ZBTB46: variants seen among roughly 807,000 people sequenced by gnomAD.
ZBTB46 encodes zinc finger and BTB domain-containing protein 46.
A neutral mutation model predicts 44.1 loss-of-function variants in ZBTB46; 8 were observed. The observed-to-expected ratio is 0.18, with a 90% CI of 0.11 to 0.33. The LOEUF is 0.33. ZBTB46 is among the 10% of genes least tolerant of loss of function. The pLI is 1.00. For synonymous variants in ZBTB46, 409 were observed against 382.3 expected (o/e 1.07, Z -0.81); for missense variants, 651 against 847.7 (o/e 0.77, Z 2.88).
intron 1 of ZBTB46, among the ~76,000 whole-genome samples, chr20:63,794,366 A>C (rs1343959643): frequency 2.0e-5 from 3 of 151,914 alleles, no homozygotes; most frequent in Non-Finnish European, 4.4e-5. Context: ...TAACTCTTTC[A>C]TTTTTTGTAG....
chr20:63,803,413 C>T lies in ZBTB46; in HGVS notation c.-33-12623G>A, dbSNP rs570612567. Reference sequence around the variant, plus strand: ...ACACTCCAAGACATGTTAGCAGAGTCGTCTTTCGACAGCGAGACCGGTGGT... The same window carrying T: ...ACACTCCAAGACATGTTAGCAGAGTTGTCTTTCGACAGCGAGACCGGTGGT... On this transcript the variant is annotated intron_variant, in intron 1 of 4. Coordinates refer to ENST00000245663, the MANE Select transcript of ZBTB46 (RefSeq NM_001369741.1). This position sits in a 1 kb window ranked among gnomAD's most constrained non-coding sequence, Gnocchi z 4.0. The T allele has an allele frequency of 3.5e-5, 34 of 985,456 alleles. No homozygotes were observed. In the South Asian group the frequency reaches 1.3e-3, roughly 38 times the overall value. 61.0% of individuals were successfully genotyped at this position (985,456 alleles called of 1,614,324 possible). A position where few individuals can be genotyped will look rare whatever the true frequency, so the allele number is the denominator to read the frequency against.
rs555150281 is a variant in ZBTB46 at position 63,752,540 on chromosome 20, C to T, written c.1398+146G>A. 141 of 1,005,144 alleles carry T rather than the reference C, an allele frequency of 1.4e-4. No homozygotes were observed. The African/African-American group carries it at 2.2e-3, about 15-fold the overall frequency. 62.3% of individuals were successfully genotyped at this position (1,005,144 alleles called of 1,614,324 possible). A position where few individuals can be genotyped will look rare whatever the true frequency, so the allele number is the denominator to read the frequency against. On this transcript the variant is annotated intron_variant, in intron 4 of 4. Coordinates refer to ENST00000245663, the MANE Select transcript of ZBTB46 (RefSeq NM_001369741.1). This position sits in a 1 kb window ranked among gnomAD's most constrained non-coding sequence, Gnocchi z 5.6. The stretch of plus-strand genomic sequence containing the variant: ...GGGCAGAGCAGACAGGGGCCCGGGG[C>T]GGATCTCCCTGCCCTGCTGTCGTCC...
intron 3 of ZBTB46, chr20:63,768,062 C>T (rs537835473): frequency 1.1e-5 from 11 of 985,448 alleles, no homozygotes; most frequent in Middle Eastern, 5.2e-4. Flanking sequence ...CACTCTGCTG[C>T]CCTCACTCAC....
Position 63,780,271 on chromosome 20 carries a change from C to CA in ZBTB46, c.938-4310dup, listed in dbSNP as rs1012455148. Among the ~76,000 whole-genome samples the CA allele has an allele frequency of 9.9e-3, 1,306 of 132,288 alleles. 21 individuals are homozygous for CA. The highest frequency in any genetic ancestry group is 0.032 in the African/African-American group (1,144 of 35,962). The allele number at this position is 132,288 out of a possible 152,430, so 86.8% of individuals were successfully genotyped here. On this transcript the variant is annotated intron_variant, in intron 2 of 4. Transcript: ENST00000245663. ...GGGCAACAAGAGTGAAACTCCATCT[C>CA]AAAAAAAAAAAAGACAGATAAAAGA... is the stretch of plus-strand genomic sequence containing the variant.
chr20:63,801,727 C>G (rs1601502646), intron 1 of ZBTB46, among the ~76,000 whole-genome samples: 1 of 152,108 alleles, frequency 6.6e-6, no homozygotes, highest in Non-Finnish European at 1.5e-5. Flanking sequence ...GAACAAACTC[C>G]AGACACGCCG....
chr20:63,817,795 G>T (rs2092768551), intron 1 of ZBTB46, among the ~76,000 whole-genome samples: 1 of 152,116 alleles, frequency 6.6e-6, no homozygotes, highest in African/African-American at 2.4e-5. Flanking sequence ...TGAAGACAGA[G>T]GCAGAGGCTG....
At position 63,790,368 on chromosome 20, in the gene ZBTB46, G is replaced by A. The variant is rs918516175; in HGVS notation, c.390C>T (p.Asp130=). Residue 130 remains aspartate (D), a synonymous_variant, in exon 2 of 5, where the codon GAC becomes GAT. Coordinates refer to ENST00000245663, the MANE Select transcript of ZBTB46 (RefSeq NM_001369741.1). ...ACHDFIKAAL[D]ISIKSDASDE... ...CTGAGGCGTCCGACTTGATGCTGAT[G>A]TCCAGCGCCGCCTTGATGAAGTCGT... 1 of 1,613,192 alleles carries A rather than the reference G, an allele frequency of 6.2e-7. No homozygotes were observed. The highest frequency in any genetic ancestry group is 1.3e-5 in the African/African-American group (1 of 75,076).
At chr20:63,779,613 G>C (rs545038704) in intron 2 of ZBTB46, among the ~76,000 whole-genome samples, 4 of 151,932 alleles carry the variant, frequency 2.6e-5, no homozygotes, top group Admixed American at 2.0e-4. Context: ...GTAGAGACGG[G>C]GTTTCACCGT....
At chr20:63,810,745 C>CA (rs994229969) in intron 1 of ZBTB46, among the ~76,000 whole-genome samples, 13 of 151,846 alleles carry the variant, frequency 8.6e-5, no homozygotes, top group Admixed American at 6.6e-4. Flanking sequence ...GACTCTGTCT[C>CA]AAAAAACAAA....
intron 1 of ZBTB46, among the ~76,000 whole-genome samples, chr20:63,810,245 A>G (rs1484152761): frequency 1.3e-5 from 2 of 152,208 alleles, no homozygotes; most frequent in Non-Finnish European, 2.9e-5. Context: ...AACACTCGAC[A>G]ATTCGAAGAT....
In ZBTB46 at chr20:63,771,995, C is replaced by CA. The variant is rs1336165056; in HGVS notation, c.1222+3682dup. 1.4e-4 allele frequency among the ~76,000 whole-genome samples: 19 copies of CA among 136,344 alleles called. No homozygotes were observed. The Admixed American group carries it at 1.6e-3, about 11-fold the overall frequency. 89.4% of individuals were successfully genotyped at this position (136,344 alleles called of 152,430 possible). ...ACCGTGTTTACAGAAAACAAAAGGG[C>CA]AAATTCTTTTTTTTTTTTTTTTCTG... is the stretch of plus-strand genomic sequence containing the variant. On this transcript the variant is annotated intron_variant, in intron 3 of 4. Coordinates refer to ENST00000245663, the MANE Select transcript of ZBTB46 (RefSeq NM_001369741.1).
At chr20:63,797,011 GT>G (rs1245535409) in intron 1 of ZBTB46, among the ~76,000 whole-genome samples, 1 of 151,958 alleles carries the variant, frequency 6.6e-6, no homozygotes, top group Admixed American at 6.6e-5. Flanking sequence ...TTTTGTTTTT[GT>G]TTTTTTATAT....
chr20:63,781,140 CAAAAAAAA>C lies in ZBTB46; in HGVS notation c.938-5186_938-5179del, dbSNP rs58102231. Among the ~76,000 whole-genome samples the C allele has an allele frequency of 2.4e-4, 20 of 83,938 alleles. No individual in the cohort carries two copies. The East Asian group carries it at 2.5e-3, about 11-fold the overall frequency. 55.1% of individuals were successfully genotyped at this position (83,938 alleles called of 152,430 possible). A position where few individuals can be genotyped will look rare whatever the true frequency, so the allele number is the denominator to read the frequency against. ...TGGGTGGCAGAGCAAGACTCTGCCT[CAAAAAAAA>C]AAAAAAAAAAAAAAAGAAAGAAAAA... On this transcript the variant is annotated intron_variant, in intron 2 of 4. Transcript: ENST00000245663.
intron 2 of ZBTB46, among the ~76,000 whole-genome samples, chr20:63,785,260 G>A (rs1484901697): frequency 1.0e-4 from 14 of 140,066 alleles, no homozygotes; most frequent in African/African-American, 3.7e-4. Flanking sequence ...GAAAAAGAAA[G>A]AAGGAAAAGG....
At chr20:63,758,665 C>T (rs1282333511) in intron 3 of ZBTB46, among the ~76,000 whole-genome samples, 2 of 152,094 alleles carry the variant, frequency 1.3e-5, no homozygotes, top group African/African-American at 4.8e-5. Context: ...CGGGCACTCA[C>T]ACACCCCTCT....
rs562131853 is a variant in ZBTB46 at position 63,801,104 on chromosome 20, CCT to C, written c.-33-10316_-33-10315del. Among the ~76,000 whole-genome samples, 141 of 152,198 alleles carry C rather than the reference CCT, an allele frequency of 9.3e-4. 2 individuals carry two copies. Among genetic ancestry groups the C allele is most frequent in the African/African-American group, 3.3e-3 (135 of 41,512 alleles). On this transcript the variant is annotated intron_variant, in intron 1 of 4. Transcript: ENST00000245663. ...GGTTTGTAAATGCACCAATCAGTAC[CCT>C]GTGTCTAGCTCAAGGTTTGTAAATG...
rs567479339 is a variant in ZBTB46, at chr20:63,790,557, C to T, written c.201G>A (p.Ser67=). ...KTLYCQVQKT[S]EQATVTHLDI... ...CCAGGTGCGTGACCGTGGCCTGCTC[C>T]GACGTCTTCTGCACCTGGCAGTAGA... The change falls in exon 2 of 5, where the codon TCG becomes TCA. Residue 67 remains serine (S), a synonymous_variant. Transcript: ENST00000245663. 37 of 1,613,348 alleles carry T rather than the reference C, an allele frequency of 2.3e-5. No homozygotes were observed. In the South Asian group the frequency reaches 3.0e-4, roughly 13 times the overall value.
intron 4 of ZBTB46, among the ~76,000 whole-genome samples, chr20:63,750,818 G>A (rs908694684): frequency 3.9e-5 from 6 of 151,972 alleles, no homozygotes; most frequent in Admixed American, 6.6e-5. Flanking sequence ...TGGGAGGATC[G>A]CTTGAGCCCG....
At chr20:63,799,094 G>T (rs1215816606) in intron 1 of ZBTB46, among the ~76,000 whole-genome samples, 1 of 150,040 alleles carries the variant, frequency 6.7e-6, no homozygotes, top group African/African-American at 2.5e-5. Flanking sequence ...GCAGTGGCAT[G>T]ATCAGGGCTC....
Sources: gnomAD v4.1 joint callset for allele counts (sites outside exome capture counted in the v4.1 genomes callset) on GRCh38, gnomAD v4.1.1 for gene constraint, Gnocchi (gnomAD v3.1) non-coding constraint, MANE v1.5 for transcripts, NCBI Gene and HGNC (gene_info 2026-07-23, HGNC 2026-07-21) for gene names.